Variants in TAFA2 observed in about 807,000 individuals in gnomAD.
TAFA2 encodes the protein chemokine-like protein TAFA-2.
Under a neutral mutation model 18.8 loss-of-function variants are expected in TAFA2, and 7 were observed. The ratio of observed to expected loss-of-function variants is 0.37; its 90% CI spans 0.21 to 0.70. The LOEUF (loss-of-function observed/expected upper bound fraction) is 0.70, where lower values mean the gene tolerates loss of function less well. TAFA2 is among the 30% of genes least tolerant of loss of function. TAFA2 has a pLI of 0.53. For missense variants in TAFA2, 122 were observed against 158.1 expected (o/e 0.77, Z 1.23); for synonymous variants, 60 against 54.2 (o/e 1.11, Z -0.47).
At chr12:61,742,250 T>C (rs539175345) in intron 4 of TAFA2, among the ~76,000 whole-genome samples, 2 of 152,272 alleles carry the variant, frequency 1.3e-5, no homozygotes, top group South Asian at 4.1e-4. Flanking sequence ...TTTAAATGGA[T>C]GTATATTCTG....
chr12:61,983,639 C>T (rs1879718522), intron 1 of TAFA2, among the ~76,000 whole-genome samples: 1 of 152,094 alleles, frequency 6.6e-6, no homozygotes, highest in South Asian at 2.1e-4. Context: ...ATCTCTTGAC[C>T]TCGTGATCCA....
intron 4 of TAFA2, among the ~76,000 whole-genome samples, chr12:61,733,700 G>T (rs964862610): frequency 6.6e-6 from 1 of 151,474 alleles, no homozygotes; most frequent in South Asian, 2.1e-4. Context: ...TTGAAGTCAG[G>T]TAGCATGATG....
chr12:62,119,769 T>A (rs1426795514), intron 1 of TAFA2, among the ~76,000 whole-genome samples: 2 of 152,134 alleles, frequency 1.3e-5, no homozygotes, highest in Non-Finnish European at 2.9e-5. Context: ...TATGACTGCA[T>A]CTCTGTAAAA....
At chr12:62,202,357 T>C (rs1012568498) in intron 1 of TAFA2, among the ~76,000 whole-genome samples, 1 of 152,018 alleles carries the variant, frequency 6.6e-6, no homozygotes, top group Non-Finnish European at 1.5e-5. Flanking sequence ...TTTTTTTTTT[T>C]TCTTTTTGAG....
chr12:61,851,760 G>C (rs1369034847), intron 2 of TAFA2, among the ~76,000 whole-genome samples: 1 of 75,638 alleles, frequency 1.3e-5, no homozygotes, highest in Non-Finnish European at 2.3e-5. Flanking sequence ...GGGCGACAGA[G>C]CGAGACTCCA....
At chr12:61,803,562 A>G (rs1324446038) in intron 2 of TAFA2, among the ~76,000 whole-genome samples, 1 of 151,934 alleles carries the variant, frequency 6.6e-6, no homozygotes, top group Non-Finnish European at 1.5e-5. Flanking sequence ...AATAGTCTAA[A>G]TCCCCCTTTA....
At chr12:61,754,753 C>T (rs958085470) in intron 3 of TAFA2, 119 bp downstream of exon 3, 14 of 960,816 alleles carry the variant, frequency 1.5e-5, no homozygotes, top group Non-Finnish European at 1.9e-5. Flanking sequence ...TTCAACTTAT[C>T]ATGGTATTTG....
intron 1 of TAFA2, among the ~76,000 whole-genome samples, chr12:62,190,221 G>A (rs1288657766): frequency 6.6e-6 from 1 of 152,058 alleles, no homozygotes; most frequent in Non-Finnish European, 1.5e-5. Context: ...GAAGCCTCGC[G>A]TCCACCCAAA....
chr12:61,930,134 AC>A (rs1366814558), intron 1 of TAFA2, among the ~76,000 whole-genome samples: 4 of 152,146 alleles, frequency 2.6e-5, no homozygotes, highest in African/African-American at 9.7e-5. Context: ...GTGCACATGT[AC>A]CCTAGAACTT....
intron 4 of TAFA2, among the ~76,000 whole-genome samples, chr12:61,726,764 GAATAAAAGTGGTGA>G (rs1482950480): frequency 6.6e-6 from 1 of 151,620 alleles, no homozygotes; most frequent in Non-Finnish European, 1.5e-5. Context: ...GGACTATGTT[GAATAAAAGTGGTGA>G]AAGTGGACAT....
At position 61,886,611 on chromosome 12, in the gene TAFA2, A is replaced by T. The variant is rs1277347689; in HGVS notation, c.-1-19185T>A. On this transcript the variant is annotated intron_variant, in intron 1 of 4. Coordinates refer to ENST00000416284, the MANE Select transcript of TAFA2 (RefSeq NM_178539.5). ...CCAGCACTGGGTCCGCAGAGTGGCA[A>T]GTTCTCGTGTGGGTCCCAGTGGTCC... 2.0e-5 allele frequency among the ~76,000 whole-genome samples: 3 copies of T among 152,162 alleles called. No homozygotes were observed. The East Asian group carries it at 5.8e-4, about 29-fold the overall frequency.
chr12:61,752,063 G>A (rs1324498568), intron 4 of TAFA2, among the ~76,000 whole-genome samples: 3 of 152,010 alleles, frequency 2.0e-5, no homozygotes, highest in African/African-American at 7.2e-5. Context: ...GGAACTACAT[G>A]TTTTGAAACC....
At chr12:61,845,766 A>C (rs1315381451) in intron 2 of TAFA2, among the ~76,000 whole-genome samples, 1 of 152,302 alleles carries the variant, frequency 6.6e-6, no homozygotes, top group East Asian at 1.9e-4. Context: ...CAATTATTTG[A>C]TAACTCCAAA....
intron 1 of TAFA2, among the ~76,000 whole-genome samples, chr12:62,148,876 A>C (rs971723016): frequency 2.6e-5 from 4 of 152,174 alleles, no homozygotes; most frequent in Non-Finnish European, 4.4e-5. Flanking sequence ...CATATGTCTT[A>C]ATGTATATGC....
chr12:62,111,895 T>C (rs1434384156), intron 1 of TAFA2, among the ~76,000 whole-genome samples: 1 of 152,220 alleles, frequency 6.6e-6, no homozygotes, highest in Non-Finnish European at 1.5e-5. Flanking sequence ...GCACGTGAGA[T>C]AGGTCTCTTG....
At chr12:61,795,050 G>A (rs1254792461) in intron 2 of TAFA2, among the ~76,000 whole-genome samples, 1 of 152,166 alleles carries the variant, frequency 6.6e-6, no homozygotes, top group Non-Finnish European at 1.5e-5. Flanking sequence ...ACGCCAGTTA[G>A]AATGGTGATC....
intron 1 of TAFA2, among the ~76,000 whole-genome samples, chr12:62,211,959 A>G (rs900534981): frequency 5.3e-5 from 8 of 152,240 alleles, no homozygotes; most frequent in African/African-American, 1.9e-4. Flanking sequence ...TAACTATTCT[A>G]CTTTACATTT....
intron 4 of TAFA2, among the ~76,000 whole-genome samples, chr12:61,750,870 T>C (rs192979001): frequency 2.0e-5 from 3 of 152,246 alleles, no homozygotes; most frequent in Admixed American, 2.0e-4. Context: ...CTGAGACAGC[T>C]CTTGAGTTAT....
At chr12:62,066,901 T>C (rs909234048) in intron 1 of TAFA2, among the ~76,000 whole-genome samples, 3 of 152,048 alleles carry the variant, frequency 2.0e-5, no homozygotes, top group African/African-American at 4.8e-5. Context: ...CTGCTCTCTA[T>C]AGTGGTTGTA....
Sources: allele counts gnomAD v4.1 joint callset (sites outside exome capture counted in the v4.1 genomes callset), GRCh38; gene constraint gnomAD v4.1.1; transcripts MANE v1.5; gene names NCBI Gene and HGNC (gene_info 2026-07-23, HGNC 2026-07-21).